Variants in PGCKA1 observed in about 807,000 individuals in gnomAD.
The protein encoded by PGCKA1 is PDCD10 and GCKIII kinases-associated protein 1.
At chr4:37,521,594 C>G in the PGCKA1 span, among the ~76,000 whole-genome samples, 1 of 152,168 alleles carries the variant, frequency 6.6e-6, no homozygotes, top group Non-Finnish European at 1.5e-5. Context: ...AGACTCGTTT[C>G]ATGACCTAAC....
the PGCKA1 span, among the ~76,000 whole-genome samples, chr4:37,480,535 A>G: frequency 5.9e-5 from 9 of 152,364 alleles, no homozygotes; most frequent in East Asian, 1.7e-3. Context: ...AGGGGCTCCT[A>G]GCCAATGCGG....
At chr4:37,508,146 C>A in the PGCKA1 span, among the ~76,000 whole-genome samples, 1 of 152,040 alleles carries the variant, frequency 6.6e-6, no homozygotes, top group Non-Finnish European at 1.5e-5. Context: ...GAAGGATCTT[C>A]CCAAAGATCC....
At chr4:37,464,695 CTT>C in the PGCKA1 span, among the ~76,000 whole-genome samples, 1 of 152,192 alleles carries the variant, frequency 6.6e-6, no homozygotes, top group African/African-American at 2.4e-5. Flanking sequence ...AGCTTAAACT[CTT>C]GGGATTTCCC....
At chr4:37,586,041 G>T in the PGCKA1 span, among the ~76,000 whole-genome samples, 1 of 150,554 alleles carries the variant, frequency 6.6e-6, no homozygotes, top group Non-Finnish European at 1.5e-5. Flanking sequence ...TTTTCTTTTT[G>T]GGGGGTGTGT....
At chr4:37,507,646 G>T in the PGCKA1 span, among the ~76,000 whole-genome samples, 1 of 151,932 alleles carries the variant, frequency 6.6e-6, no homozygotes, top group African/African-American at 2.4e-5. Flanking sequence ...TTGAATAGTT[G>T]TTGTAGTTAC....
At chr4:37,509,004 A>G in the PGCKA1 span, among the ~76,000 whole-genome samples, 20,265 of 150,298 alleles carry the variant, frequency 0.13, 1,240 homozygotes, top group Non-Finnish European at 0.17. Flanking sequence ...GGGTAAGGTT[A>G]TAGATTAACA....
chr4:37,478,465 T>C, the PGCKA1 span, among the ~76,000 whole-genome samples: 1 of 152,180 alleles, frequency 6.6e-6, no homozygotes, highest in Non-Finnish European at 1.5e-5. Flanking sequence ...GGATTAATTA[T>C]TTGGCTGAAG....
chr4:37,549,350 A>G, the PGCKA1 span, among the ~76,000 whole-genome samples: 1 of 152,196 alleles, frequency 6.6e-6, no homozygotes, highest in Non-Finnish European at 1.5e-5. Flanking sequence ...AGAAGAAAAA[A>G]AAAATGGCAT....
chr4:37,580,305 A>ATTTT, the PGCKA1 span, among the ~76,000 whole-genome samples: 10,937 of 130,692 alleles, frequency 0.084, 1,557 homozygotes, highest in African/African-American at 0.27. Flanking sequence ...CGGTGAGGTC[A>ATTTT]TTTTTTTTTT....
the PGCKA1 span, among the ~76,000 whole-genome samples, chr4:37,550,276 C>T: frequency 6.6e-6 from 1 of 151,912 alleles, no homozygotes; most frequent in Non-Finnish European, 1.5e-5. Context: ...AAACATGTAA[C>T]CTTAAAATTT....
At chr4:37,532,716 G>A in the PGCKA1 span, among the ~76,000 whole-genome samples, 1 of 152,142 alleles carries the variant, frequency 6.6e-6, no homozygotes, top group Non-Finnish European at 1.5e-5. Flanking sequence ...AACACAGTTG[G>A]AATAGGAACA....
the PGCKA1 span, among the ~76,000 whole-genome samples, chr4:37,554,891 A>G: frequency 6.6e-6 from 1 of 152,202 alleles, no homozygotes; most frequent in Non-Finnish European, 1.5e-5. Context: ...CCCCAGATAA[A>G]CTAGGAAGGC....
At chr4:37,544,352 G>A in the PGCKA1 span, among the ~76,000 whole-genome samples, 5 of 152,108 alleles carry the variant, frequency 3.3e-5, no homozygotes, top group Admixed American at 3.3e-4. Flanking sequence ...TCACTGGGCA[G>A]TTGGTGAGTC....
the PGCKA1 span, among the ~76,000 whole-genome samples, chr4:37,504,903 C>G: frequency 6.6e-6 from 1 of 152,068 alleles, no homozygotes; most frequent in Non-Finnish European, 1.5e-5. Flanking sequence ...AATCTGGATG[C>G]CCTTTATTTC....
At chr4:37,550,472 G>A in the PGCKA1 span, among the ~76,000 whole-genome samples, 1 of 152,162 alleles carries the variant, frequency 6.6e-6, no homozygotes, top group Admixed American at 6.5e-5. Context: ...AAAAGGTCCT[G>A]TTTGGCTCCA....
chr4:37,462,664 C>T, the PGCKA1 span, among the ~76,000 whole-genome samples: 27 of 152,212 alleles, frequency 1.8e-4, no homozygotes, highest in East Asian at 5.0e-3. Context: ...AGCAATTTTG[C>T]CGTCCATTCC....
chr4:37,570,935 A>G, the PGCKA1 span, among the ~76,000 whole-genome samples: 2 of 152,144 alleles, frequency 1.3e-5, no homozygotes, highest in Non-Finnish European at 2.9e-5. Context: ...TGTAGTTTGG[A>G]CCACTGGGTA....
chr4:37,493,189 T>C, the PGCKA1 span, among the ~76,000 whole-genome samples: 1 of 152,218 alleles, frequency 6.6e-6, no homozygotes. Context: ...TTGCTGAGTC[T>C]GTTCAATCCA....
At chr4:37,560,199 C>T in the PGCKA1 span, among the ~76,000 whole-genome samples, 1 of 152,200 alleles carries the variant, frequency 6.6e-6, no homozygotes, top group East Asian at 1.9e-4. Context: ...AATTCTCATG[C>T]TCAAGGATGC....
Sources: gnomAD v4.1 joint callset for allele counts (sites outside exome capture counted in the v4.1 genomes callset) on GRCh38, gnomAD v4.1.1 for gene constraint, MANE v1.5 for transcripts, NCBI Gene and HGNC (gene_info 2026-07-23, HGNC 2026-07-21) for gene names.